DLGAP2: variants seen among roughly 807,000 people sequenced by gnomAD.
The protein encoded by DLGAP2 is disks large-associated protein 2.
Under a neutral mutation model 100.3 loss-of-function variants are expected in DLGAP2, and 26 were observed. That is an observed-to-expected ratio of 0.26 (90% confidence interval 0.19 to 0.36). The LOEUF (loss-of-function observed/expected upper bound fraction) is 0.36. DLGAP2 is among the 10% of genes least tolerant of loss of function. The pLI, the probability that DLGAP2 is intolerant of heterozygous loss-of-function variation, is 1.00. For missense variants in DLGAP2, 1,858 were observed against 1,453.2 expected, an observed-to-expected ratio of 1.28 and a Z score of -4.53; for synonymous variants, 886 against 630.1, an observed-to-expected ratio of 1.41 and a Z score of -6.08.
chr8:918,138 T>G (rs1798634508), intron 2 of DLGAP2, among the ~76,000 whole-genome samples: 1 of 152,182 alleles, frequency 6.6e-6, no homozygotes, highest in South Asian at 2.1e-4. Flanking sequence ...CTCTGGAATC[T>G]CAACCTCGTC....
intron 3 of DLGAP2, among the ~76,000 whole-genome samples, chr8:1,457,055 T>G (rs1798336583): frequency 6.6e-6 from 1 of 152,232 alleles, no homozygotes; most frequent in Admixed American, 6.5e-5. Flanking sequence ...CATTTCAATG[T>G]GGTCATCTTT....
intron 2 of DLGAP2, among the ~76,000 whole-genome samples, chr8:1,050,738 A>G (rs1343815390): frequency 6.6e-6 from 1 of 152,136 alleles, no homozygotes; most frequent in Non-Finnish European, 1.5e-5. Context: ...TTCTCCTTAA[A>G]CTGCCTGGCT....
At chr8:781,200 T>A (rs544153323) in intron 1 of DLGAP2, among the ~76,000 whole-genome samples, 1 of 152,336 alleles carries the variant, frequency 6.6e-6, no homozygotes, top group African/African-American at 2.4e-5. Context: ...AAGGACTATA[T>A]TGCTCGGGAT....
At chr8:1,421,424 C>T (rs1398744382) in intron 3 of DLGAP2, among the ~76,000 whole-genome samples, 1 of 152,132 alleles carries the variant, frequency 6.6e-6, no homozygotes, top group Non-Finnish European at 1.5e-5. Context: ...ATAACACCCA[C>T]ACAAGAGACA....
chr8:905,499 G>A (rs1798360627), intron 1 of DLGAP2, among the ~76,000 whole-genome samples: 1 of 152,160 alleles, frequency 6.6e-6, no homozygotes, highest in Admixed American at 6.5e-5. Context: ...CATAAAACAG[G>A]CCCTGGCAGA....
chr8:1,170,719 C>A (rs551820816), intron 2 of DLGAP2, among the ~76,000 whole-genome samples: 1 of 148,898 alleles, frequency 6.7e-6, no homozygotes, highest in African/African-American at 2.5e-5. Context: ...TCTGTGGGAT[C>A]GGTGGTGATA....
chr8:1,454,393 G>A (rs547338371), intron 3 of DLGAP2, among the ~76,000 whole-genome samples: 33 of 151,158 alleles, frequency 2.2e-4, no homozygotes, highest in Middle Eastern at 3.4e-3. Context: ...TGAAACTACC[G>A]TCCCTGCGTG....
chr8:916,031 A>G (rs1798585897), intron 2 of DLGAP2, among the ~76,000 whole-genome samples: 1 of 150,174 alleles, frequency 6.7e-6, no homozygotes, highest in Non-Finnish European at 1.5e-5. Context: ...TCCTCATTGT[A>G]GACTCTCTGC....
intron 2 of DLGAP2, among the ~76,000 whole-genome samples, chr8:1,085,349 C>T (rs373182221): frequency 5.3e-5 from 8 of 152,272 alleles, no homozygotes; most frequent in Middle Eastern, 6.8e-3. Context: ...TGGGCAGAAG[C>T]CTTCTATTTG....
chr8:791,573 G>T (rs1432347388), intron 1 of DLGAP2, among the ~76,000 whole-genome samples: 1 of 152,102 alleles, frequency 6.6e-6, no homozygotes, highest in Non-Finnish European at 1.5e-5. Context: ...ACATTTAAAT[G>T]CCCACATTTC....
At chr8:1,283,239 C>T (rs1395726952) in intron 3 of DLGAP2, among the ~76,000 whole-genome samples, 4 of 149,178 alleles carry the variant, frequency 2.7e-5, no homozygotes, top group Admixed American at 2.0e-4. Context: ...ACCATCCGGA[C>T]GTGGTGTGAT....
intron 2 of DLGAP2, among the ~76,000 whole-genome samples, chr8:941,195 G>T (rs961299751): frequency 2.0e-5 from 3 of 152,130 alleles, no homozygotes; most frequent in Non-Finnish European, 4.4e-5. Flanking sequence ...CTGGTCACCT[G>T]ATCTCAGCTG....
intron 4 of DLGAP2, among the ~76,000 whole-genome samples, chr8:1,542,610 G>A (rs951843106): frequency 2.6e-5 from 4 of 152,164 alleles, no homozygotes; most frequent in Non-Finnish European, 4.4e-5. Context: ...TCCATTGTGC[G>A]GTACAGCCCC....
chr8:1,281,804 C>G (rs1799818976), intron 3 of DLGAP2, among the ~76,000 whole-genome samples: 1 of 152,184 alleles, frequency 6.6e-6, no homozygotes, highest in African/African-American at 2.4e-5. Flanking sequence ...GCGGTCCCAC[C>G]CCACCAGCCT....
At chr8:778,920 G>T (rs995238687) in intron 1 of DLGAP2, among the ~76,000 whole-genome samples, 3 of 152,242 alleles carry the variant, frequency 2.0e-5, no homozygotes, top group Non-Finnish European at 4.4e-5. Flanking sequence ...CTGGGCAATG[G>T]TGGGCGCCCC....
chr8:1,004,010 T>A (rs991593822), intron 2 of DLGAP2, among the ~76,000 whole-genome samples: 3 of 152,358 alleles, frequency 2.0e-5, no homozygotes, highest in East Asian at 1.9e-4. Context: ...CCATTTTTTT[T>A]ATTCTCTTGA....
intron 2 of DLGAP2, among the ~76,000 whole-genome samples, chr8:918,234 A>G (rs1333566583): frequency 6.6e-6 from 1 of 152,206 alleles, no homozygotes; most frequent in Non-Finnish European, 1.5e-5. Context: ...GCATGCACTT[A>G]CTGGAAATTC....
chr8:1,261,511 G>A (rs987086220), intron 3 of DLGAP2, among the ~76,000 whole-genome samples: 13 of 151,504 alleles, frequency 8.6e-5, no homozygotes, highest in East Asian at 3.9e-4. Context: ...CCCCCTGTCC[G>A]GTGGGGAGCC....
At chr8:913,959 A>G (rs1798540914) in intron 2 of DLGAP2, among the ~76,000 whole-genome samples, 1 of 152,202 alleles carries the variant, frequency 6.6e-6, no homozygotes, top group Admixed American at 6.5e-5. Context: ...GTTTGCTGCC[A>G]CAATAAGTGG....
Sources: allele counts gnomAD v4.1 joint callset (sites outside exome capture counted in the v4.1 genomes callset), GRCh38; gene constraint gnomAD v4.1.1; transcripts MANE v1.5; gene names NCBI Gene and HGNC (gene_info 2026-07-23, HGNC 2026-07-21).